TLN2: variants seen among roughly 807,000 people sequenced by gnomAD.
TLN2 encodes the protein talin-2.
TLN2 carries 118 observed loss-of-function variants against 294.7 expected under a neutral mutation model. The ratio of observed to expected loss-of-function variants is 0.40; its 90% CI spans 0.34 to 0.47. The LOEUF (loss-of-function observed/expected upper bound fraction) is 0.47. TLN2 is among the 20% of genes least tolerant of loss of function. The probability of loss-of-function intolerance (pLI) is 0.84; values close to 1 mark genes in which losing one functional copy is unlikely to be tolerated. For missense variants in TLN2, 3,083 were observed against 3,282.2 expected, an observed-to-expected ratio of 0.94 and a Z score of 1.48; for synonymous variants, 1,431 against 1,304.5, an observed-to-expected ratio of 1.10 and a Z score of -2.09.
intron 52 of TLN2, among the ~76,000 whole-genome samples, chr15:62,815,105 A>G (rs1291792371): frequency 6.6e-6 from 1 of 152,018 alleles, no homozygotes; most frequent in Non-Finnish European, 1.5e-5. Flanking sequence ...AATATCTACT[A>G]AAATTTGATT....
intron 1 of TLN2, among the ~76,000 whole-genome samples, chr15:62,485,378 GCCCTTT>G (rs990350819): frequency 6.6e-6 from 1 of 152,218 alleles, no homozygotes; most frequent in Non-Finnish European, 1.5e-5. Context: ...CAGGGCTTCA[GCCCTTT>G]CCTTTCTGCT....
At chr15:62,613,770 A>G (rs192931327) in intron 2 of TLN2, among the ~76,000 whole-genome samples, 1 of 152,256 alleles carries the variant, frequency 6.6e-6, no homozygotes, top group Admixed American at 6.5e-5. Flanking sequence ...CTAAGCATGA[A>G]AGACAAAGAC....
chr15:62,676,951 T>C (rs1341300834), intron 11 of TLN2, among the ~76,000 whole-genome samples: 4 of 152,170 alleles, frequency 2.6e-5, no homozygotes, highest in Non-Finnish European at 5.9e-5. Context: ...CCCAGCTAGA[T>C]CCATTGATTC....
chr15:62,586,581 G>A (rs143599334), intron 1 of TLN2, among the ~76,000 whole-genome samples: 7 of 152,120 alleles, frequency 4.6e-5, no homozygotes, highest in African/African-American at 1.4e-4. Flanking sequence ...TAAAGTTAAC[G>A]TTATGGGCCC....
At chr15:62,532,644 G>A (rs776430647) in intron 1 of TLN2, among the ~76,000 whole-genome samples, 3 of 152,054 alleles carry the variant, frequency 2.0e-5, no homozygotes, top group Middle Eastern at 3.2e-3. Flanking sequence ...CTTGCTTCAC[G>A]TGACAAATGG....
intron 13 of TLN2, among the ~76,000 whole-genome samples, 191 bp downstream of exon 13, chr15:62,693,132 C>A (rs1400053089): frequency 6.6e-6 from 1 of 152,130 alleles, no homozygotes; most frequent in Non-Finnish European, 1.5e-5. Flanking sequence ...GTATTAGAGA[C>A]CAGTCTGGCC....
chr15:62,671,749 T>G (rs2055458415), intron 9 of TLN2, among the ~76,000 whole-genome samples: 1 of 152,242 alleles, frequency 6.6e-6, no homozygotes, highest in African/African-American at 2.4e-5. Flanking sequence ...TCACCACTAC[T>G]ACCAAACTAT....
In TLN2 at chr15:62,836,566, C is replaced by G. The variant is rs568507262; in HGVS notation, c.7374+493C>G. Among the ~76,000 whole-genome samples, 61 of 152,346 alleles carry G rather than the reference C, an allele frequency of 4.0e-4. 1 individual carries two copies. The highest frequency in any genetic ancestry group is 1.4e-3 in the African/African-American group (60 of 41,578). ...GCCTGCTTCAGAGGAGGCCTTCAGC[C>G]AGTGTCTGCTACAGAAGGGAGTAAA... On this transcript the variant is annotated intron_variant, in intron 57 of 58. Transcript: ENST00000636159.
Position 62,722,353 on chromosome 15 carries a change from C to T in TLN2, c.2992C>T (p.Pro998Ser). The change falls in exon 26 of 59, where the codon CCT (proline) becomes TCT (serine). Residue 998 changes from proline to serine, a missense_variant and splice_region_variant. Coordinates refer to ENST00000636159, the MANE Select transcript of TLN2 (RefSeq NM_015059.3). ...LIISSQNFLQPGSKMVSSAKA... is the reference protein window; with the variant it reads ...LIISSQNFLQSGSKMVSSAKA... ...TTACTTTCTTTTCATCTCTCTATAG[C>T]CTGGAAGCAAGATGGTGTCCTCTGC... 2 of 1,606,508 alleles carry T rather than the reference C, an allele frequency of 1.2e-6. No homozygotes were observed. The highest frequency in any genetic ancestry group is 1.7e-6 in the Non-Finnish European group (2 of 1,174,500).
At chr15:62,472,210 T>A (rs1373792461) in intron 1 of TLN2, among the ~76,000 whole-genome samples, 9 of 152,114 alleles carry the variant, frequency 5.9e-5, no homozygotes, top group Non-Finnish European at 1.3e-4. Flanking sequence ...GTGCAAGTCA[T>A]TTTTTCCAGG....
chr15:62,514,346 A>G (rs1194929), intron 1 of TLN2, among the ~76,000 whole-genome samples: 6,426 of 152,328 alleles, frequency 0.042, 454 homozygotes, highest in African/African-American at 0.15. Flanking sequence ...TGTTAAAAAG[A>G]TCAAATGTCT....
chr15:62,621,464 A>G (rs549908335), intron 3 of TLN2, among the ~76,000 whole-genome samples: 2 of 152,354 alleles, frequency 1.3e-5, no homozygotes, highest in Admixed American at 1.3e-4. Context: ...AGATAAATAT[A>G]CAGTATCTTG....
At chr15:62,689,576 A>G (rs1201990556) in intron 12 of TLN2, among the ~76,000 whole-genome samples, 2 of 152,032 alleles carry the variant, frequency 1.3e-5, no homozygotes, top group Non-Finnish European at 2.9e-5. Flanking sequence ...GCTAGCAACA[A>G]ATTGACTTTG....
intron 1 of TLN2, among the ~76,000 whole-genome samples, chr15:62,552,527 G>T (rs977217951): frequency 1.3e-5 from 2 of 152,042 alleles, no homozygotes; most frequent in Non-Finnish European, 2.9e-5. Flanking sequence ...TCCTTTTTGT[G>T]GTCTATTTAA....
intron 22 of TLN2, among the ~76,000 whole-genome samples, chr15:62,714,022 A>G (rs970610534): frequency 2.0e-5 from 3 of 151,180 alleles, no homozygotes; most frequent in African/African-American, 4.8e-5. Context: ...CAGTCTATAC[A>G]TAGATATTTG....
chr15:62,723,121 G>T (rs2060245372), intron 26 of TLN2, among the ~76,000 whole-genome samples: 1 of 152,158 alleles, frequency 6.6e-6, no homozygotes, highest in African/African-American at 2.4e-5. Flanking sequence ...TTTCTTCATT[G>T]TAGCAATCCC....
intron 1 of TLN2, among the ~76,000 whole-genome samples, chr15:62,547,264 C>G (rs1365487632): frequency 6.6e-6 from 1 of 152,188 alleles, no homozygotes; most frequent in Non-Finnish European, 1.5e-5. Flanking sequence ...ACTGGGATGT[C>G]AAAATCCTTG....
In TLN2 at chr15:62,842,629, C is replaced by CA. The variant is rs1348743446; in HGVS notation, c.*2020dup. 2 of 151,832 alleles carry CA rather than the reference C, an allele frequency of 1.3e-5. No homozygotes were observed. The allele number at this position is 151,832 out of a possible 1,614,324, so 9.4% of individuals were successfully genotyped here. On this transcript the variant is annotated 3_prime_UTR_variant, in exon 59 of 59. Coordinates refer to ENST00000636159, the MANE Select transcript of TLN2 (RefSeq NM_015059.3). ...CCATCCTGAAAACCCAGGACCAAGG[C>CA]AGGGGCAGGCAGCCAGTTCTTCCAC...
chr15:62,542,718 A>G (rs1452652313), intron 1 of TLN2, among the ~76,000 whole-genome samples: 1 of 152,024 alleles, frequency 6.6e-6, no homozygotes, highest in East Asian at 1.9e-4. Flanking sequence ...TAGGGATCTG[A>G]TCCCTTGTCC....
Sources: allele counts gnomAD v4.1 joint callset (sites outside exome capture counted in the v4.1 genomes callset), GRCh38; gene constraint gnomAD v4.1.1; transcripts MANE v1.5; gene names NCBI Gene and HGNC (gene_info 2026-07-23, HGNC 2026-07-21).